PTK2B: variants seen among roughly 807,000 people sequenced by gnomAD.
PTK2B encodes protein tyrosine kinase 2 beta.
PTK2B carries 71 observed loss-of-function variants against 142.9 expected under a neutral mutation model. That is an observed-to-expected ratio of 0.50 (90% confidence interval 0.41 to 0.61). The LOEUF (loss-of-function observed/expected upper bound fraction) is 0.61, where lower values mean the gene tolerates loss of function less well. Among genes scored for constraint, PTK2B ranks in the 20% least tolerant of loss-of-function variants. The pLI, the probability that PTK2B is intolerant of heterozygous loss-of-function variation, is 0.00. For synonymous variants in PTK2B, 519 were observed against 503.4 expected (o/e 1.03, Z -0.42); for missense variants, 1,105 against 1,320.4 (o/e 0.84, Z 2.53).
chr8:27,407,958 T>G (rs550776544), intron 2 of PTK2B, among the ~76,000 whole-genome samples: 1 of 152,208 alleles, frequency 6.6e-6, no homozygotes, highest in African/African-American at 2.4e-5. Flanking sequence ...CATTCCAACA[T>G]ATATTAGTCT....
At chr8:27,348,143 G>GA (rs982660214) in intron 1 of PTK2B, among the ~76,000 whole-genome samples, 11 of 152,152 alleles carry the variant, frequency 7.2e-5, no homozygotes, top group Non-Finnish European at 1.3e-4. Flanking sequence ...TAACATATGG[G>GA]AAAAAAACAG....
At chr8:27,360,522 C>T (rs1251376345) in intron 1 of PTK2B, among the ~76,000 whole-genome samples, 2 of 152,114 alleles carry the variant, frequency 1.3e-5, no homozygotes, top group African/African-American at 2.4e-5. Context: ...TTCCAGGTCC[C>T]TCCCTCCTTC....
At chr8:27,411,699 C>T (rs1309272475) in intron 2 of PTK2B, among the ~76,000 whole-genome samples, 1 of 152,152 alleles carries the variant, frequency 6.6e-6, no homozygotes, top group African/African-American at 2.4e-5. Flanking sequence ...AACCTTGTTT[C>T]CCCCACCTTC....
rs190366670 is a variant in PTK2B at position 27,436,667 on chromosome 8, A to G, written c.1341+319A>G. On this transcript the variant is annotated intron_variant, in intron 15 of 30. Transcript: ENST00000346049. ...CAGTTCTGAGAAAAGGTGAGGCAGG[A>G]TCTGGAGTTAGTGTCAAGGCCAGTG... Among the ~76,000 whole-genome samples, 12 of 152,282 alleles carry G rather than the reference A, an allele frequency of 7.9e-5. No homozygotes were observed. In the East Asian group the frequency reaches 1.7e-3, roughly 22 times the overall value.
chr8:27,426,105 A>T lies in PTK2B; in HGVS notation c.551+3722A>T, dbSNP rs138520893. On this transcript the variant is annotated intron_variant, in intron 5 of 30. Coordinates refer to ENST00000346049, the MANE Select transcript of PTK2B (RefSeq NM_173176.3). ...CAACAACTACAACAAAACAGAGAAT[A>T]CGTAACCCCAGATTAGCTAAGTAAC... Among the ~76,000 whole-genome samples, 196 of 152,314 alleles carry T rather than the reference A, an allele frequency of 1.3e-3. 2 individuals carry two copies. Among genetic ancestry groups the T allele is most frequent in the African/African-American group, 4.3e-3 (178 of 41,550 alleles).
intron 1 of PTK2B, among the ~76,000 whole-genome samples, chr8:27,351,199 G>A (rs1372192751): frequency 6.7e-6 from 1 of 148,934 alleles, no homozygotes; most frequent in Non-Finnish European, 1.5e-5. Context: ...GCAAGACCCT[G>A]TCTCTAAAAA....
intron 1 of PTK2B, among the ~76,000 whole-genome samples, chr8:27,388,727 A>G (rs780558472): frequency 1.2e-4 from 18 of 152,170 alleles, no homozygotes; most frequent in Non-Finnish European, 2.1e-4. Flanking sequence ...ACACCAGAGA[A>G]ATTGGCAAGT....
chr8:27,422,109 C>T (rs1353222614), intron 4 of PTK2B, among the ~76,000 whole-genome samples, 195 bp from the exon 5 acceptor site: 1 of 152,220 alleles, frequency 6.6e-6, no homozygotes, highest in African/African-American at 2.4e-5. Context: ...CCTCGAAAAC[C>T]TCACAGGCTC....
intron 21 of PTK2B, among the ~76,000 whole-genome samples, chr8:27,442,400 G>A (rs1451212494): frequency 6.6e-6 from 1 of 152,186 alleles, no homozygotes; most frequent in Non-Finnish European, 1.5e-5. Context: ...CACATGGCTA[G>A]CCTGGGAGTG....
At chr8:27,431,826 G>T (rs1810445428) in intron 9 of PTK2B, among the ~76,000 whole-genome samples, 1 of 152,210 alleles carries the variant, frequency 6.6e-6, no homozygotes, top group African/African-American at 2.4e-5. Flanking sequence ...TCCACTGCCA[G>T]CTTGGCACAT....
chr8:27,375,172 G>A (rs1381701017), intron 1 of PTK2B, among the ~76,000 whole-genome samples: 2 of 152,222 alleles, frequency 1.3e-5, no homozygotes, highest in Admixed American at 1.3e-4. Flanking sequence ...ATGGGCTCAG[G>A]AGTGCCAAGG....
At chr8:27,440,170 G>C in intron 20 of PTK2B, 67 bp from the exon 21 acceptor site, 1 of 1,506,478 alleles carries the variant, frequency 6.6e-7, no homozygotes, top group South Asian at 1.1e-5. Flanking sequence ...TGCTAATGGC[G>C]ATGGTGCTTC....
intron 1 of PTK2B, among the ~76,000 whole-genome samples, chr8:27,376,609 A>G (rs1806684816): frequency 6.6e-6 from 1 of 152,222 alleles, no homozygotes; most frequent in African/African-American, 2.4e-5. Flanking sequence ...CCTTGCTGAT[A>G]AAACAGGTTA....
chr8:27,449,796 T>A (rs1179180077), intron 24 of PTK2B, among the ~76,000 whole-genome samples: 1 of 152,230 alleles, frequency 6.6e-6, no homozygotes, highest in Non-Finnish European at 1.5e-5. Context: ...CATGCAATAC[T>A]TTCTGTTTAG....
At chr8:27,311,085 C>A (rs1563448910), upstream of PTK2B, 1 of 1,597,136 alleles carries the variant, frequency 6.3e-7, no homozygotes, top group Non-Finnish European at 8.5e-7. Flanking sequence ...GACACCTGCA[C>A]CTCCCAGCAG....
chr8:27,419,938 A>G lies in PTK2B; in HGVS notation c.248A>G (p.Asn83Ser). 2.5e-6 allele frequency: 4 copies of G among 1,614,244 alleles called. No individual in the cohort carries two copies. The highest frequency in any genetic ancestry group is 3.4e-6 in the Non-Finnish European group (4 of 1,180,050). The change falls in exon 3 of 31, where the codon AAC becomes AGC. Residue 83 changes from asparagine to serine, a missense_variant. By Grantham distance (46) the Asn-to-Ser change is conservative. Transcript: ENST00000346049. ...CTGCTGAGCGGGCGGATCGGGCCCA[A>G]CATCCGGTTGGCTGAGTGCTATGGG... is the stretch of plus-strand genomic sequence containing the variant. ...SILLSGRIGP[N>S]IRLAECYGLR...
chr8:27,385,892 C>CAAAAAAAAAAAAAAAAAAAA (rs71553856), intron 1 of PTK2B, among the ~76,000 whole-genome samples: 1 of 110,024 alleles, frequency 9.1e-6, no homozygotes, highest in Non-Finnish European at 1.7e-5. Flanking sequence ...GATTCCGTCT[C>CAAAAAAAAAAAAAAAAAAAA]AAAAAAAAAA....
chr8:27,430,331 A>C lies in PTK2B; in HGVS notation c.615-33A>C, dbSNP rs547771933. 3 of 1,613,656 alleles carry C rather than the reference A, an allele frequency of 1.9e-6. No homozygotes were observed. In the South Asian group the frequency reaches 3.3e-5, roughly 18 times the overall value. ...CAGTCCTGTGGTGGGGGTGAGGGGG[A>C]GTCACATGCTGCCTTTTTCTTCCTT... On this transcript the variant is annotated intron_variant, in intron 6 of 30. Transcript: ENST00000346049.
intron 5 of PTK2B, among the ~76,000 whole-genome samples, chr8:27,425,427 TTTTG>T (rs974121799): frequency 6.1e-4 from 93 of 152,266 alleles, no homozygotes; most frequent in African/African-American, 1.9e-3. Context: ...TTTACCCTTC[TTTTG>T]TTTGTTTATT....
Sources: gnomAD v4.1 joint callset for allele counts (sites outside exome capture counted in the v4.1 genomes callset) on GRCh38, gnomAD v4.1.1 for gene constraint, MANE v1.5 for transcripts, NCBI Gene and HGNC (gene_info 2026-07-23, HGNC 2026-07-21) for gene names.